IL18BP: variants seen among roughly 807,000 people sequenced by gnomAD.
IL18BP encodes interleukin 18 binding protein.
A neutral mutation model predicts 19.9 loss-of-function variants in IL18BP; 23 were observed. That is an observed-to-expected ratio of 1.15 (90% CI 0.83 to 1.64). The LOEUF is 1.64. Among genes scored for constraint, IL18BP ranks in the 40% most tolerant of loss-of-function variants. IL18BP has a pLI of 0.00. For synonymous variants in IL18BP, 107 were observed against 101.0 expected (o/e 1.06, Z -0.35); for missense variants, 239 against 240.7 (o/e 0.99, Z 0.05).
chr11:72,003,892 C>T, downstream of IL18BP: 2 of 1,613,658 alleles, frequency 1.2e-6, no homozygotes, highest in South Asian at 1.1e-5. Flanking sequence ...TCTACCTTGC[C>T]CTTGGCTCGA....
chr11:72,004,536 G>T, downstream of IL18BP: 1 of 1,307,556 alleles, frequency 7.6e-7, no homozygotes, highest in African/African-American at 1.5e-5. Context: ...GGGAAAGAGA[G>T]GGGGAAGTGA....
intron 1 of IL18BP, 112 bp downstream of exon 1, chr11:71,999,131 G>C (rs770468791): frequency 9.7e-6 from 5 of 517,164 alleles, no homozygotes; most frequent in African/African-American, 7.7e-5. Context: ...CGACCTTGGG[G>C]CTGGTGGCTG....
At chr11:72,006,478 T>C (rs918635150), downstream of IL18BP, among the ~76,000 whole-genome samples, 1 of 152,210 alleles carries the variant, frequency 6.6e-6, no homozygotes, top group African/African-American at 2.4e-5. Flanking sequence ...CTACGCATTT[T>C]TTTCATGGAG....
chr11:72,006,385 G>T (rs1019843200), downstream of IL18BP: 1 of 768,846 alleles, frequency 1.3e-6, no homozygotes, highest in Non-Finnish European at 2.1e-6. Context: ...GCTTTGCAAA[G>T]GTCCTTAAAG....
downstream of IL18BP, chr11:72,004,454 CCCCTTCCCAACTCTGGGCCAGATCCTT>C (rs1814498571): frequency 8.2e-7 from 1 of 1,221,638 alleles, no homozygotes. Context: ...GCAACCTGCT[CCCCTTCCCAACTCTGGGCCAGATCCTT>C]CCCTTCCCAA....
chr11:72,004,312 G>A (rs767168431), downstream of IL18BP: 2 of 1,613,286 alleles, frequency 1.2e-6, no homozygotes, highest in African/African-American at 1.3e-5. Context: ...GAGTCATGGG[G>A]CGTGGGAAAC....
Position 72,001,508 on chromosome 11 carries a change from C to T in IL18BP, c.463C>T (p.Pro155Ser). The T allele has an allele frequency of 6.2e-7, 1 of 1,613,948 alleles. No individual in the cohort carries two copies. The highest frequency in any genetic ancestry group is 8.5e-7 in the Non-Finnish European group (1 of 1,179,930). The change falls in exon 5 of 6, where the codon CCT becomes TCT. Residue 155 changes from proline to serine, a missense_variant. Coordinates refer to ENST00000393703, the MANE Select transcript of IL18BP (RefSeq NM_001039660.2). ...CAACTTCTCCTGTGTGCTCGTGGAC[C>T]CTGAACAGGTTGTCCAGCGTCACGT... ...STNFSCVLVD[P>S]EQVVQRHVVL...
rs1455810724 is a variant in IL18BP at position 72,002,051 on chromosome 11, T to G, written c.*190T>G. ...CCCACCTACCTAGAAAATCACAGCCTCCTTATAATGCCTCCTCCTCCTGCC... is the reference window on the plus strand; with the variant it reads ...CCCACCTACCTAGAAAATCACAGCCGCCTTATAATGCCTCCTCCTCCTGCC... On this transcript the variant is annotated 3_prime_UTR_variant, in exon 6 of 6. Transcript: ENST00000393703. 3.6e-5 allele frequency: 27 copies of G among 759,384 alleles called. No homozygotes were observed. The highest frequency in any genetic ancestry group is 5.6e-5 in the Non-Finnish European group (26 of 464,314). 47.0% of individuals were successfully genotyped at this position (759,384 alleles called of 1,614,324 possible).
rs1955197060 is a variant in IL18BP at position 72,001,090 on chromosome 11, C to G, written c.236-111C>G. ...CCTAGGTGGTGTGCAGAGCAGTTCT[C>G]TAGGTTCCAGATGCATGGGGACTGG... On this transcript the variant is annotated intron_variant, in intron 3 of 5. Coordinates refer to ENST00000393703, the MANE Select transcript of IL18BP (RefSeq NM_001039660.2). 8.8e-6 allele frequency: 12 copies of G among 1,357,796 alleles called. No homozygotes were observed. In the South Asian group the frequency reaches 1.5e-4, roughly 17 times the overall value. The allele number at this position is 1,357,796 out of a possible 1,614,324, so 84.1% of individuals were successfully genotyped here. A position where few individuals can be genotyped will look rare whatever the true frequency, so the allele number is the denominator to read the frequency against.
chr11:72,006,030 C>A (rs371152556), downstream of IL18BP: 44 of 1,607,352 alleles, frequency 2.7e-5, no homozygotes, highest in African/African-American at 4.8e-4. Context: ...CTGTAGTCCC[C>A]TCACCTGGAG....
chr11:72,003,388 G>A, downstream of IL18BP: 1 of 837,338 alleles, frequency 1.2e-6, no homozygotes, highest in Non-Finnish European at 2.0e-6. Context: ...CCAGGGTGCG[G>A]GCAGGCATCA....
At chr11:71,999,652 T>C in intron 1 of IL18BP, 2 of 326,754 alleles carry the variant, frequency 6.1e-6, no homozygotes, top group Non-Finnish European at 1.2e-5. Context: ...ACTGCCTCCC[T>C]GTGTGACTGG....
chr11:72,003,728 T>C, downstream of IL18BP: 1 of 988,444 alleles, frequency 1.0e-6, no homozygotes, highest in Non-Finnish European at 1.5e-6. Flanking sequence ...CCATCTGTCT[T>C]CTCTCCTTGG....
chr11:72,004,307 A>C (rs761333172), downstream of IL18BP: 2 of 1,613,110 alleles, frequency 1.2e-6, no homozygotes, highest in Non-Finnish European at 1.7e-6. Flanking sequence ...TCGGGGAGTC[A>C]TGGGGCGTGG....
At chr11:72,006,853 GCAA>G (rs530156150), downstream of IL18BP, among the ~76,000 whole-genome samples, 20 of 152,376 alleles carry the variant, frequency 1.3e-4, no homozygotes, top group South Asian at 3.5e-3. Context: ...CCACTGGGCA[GCAA>G]CAATGCCTCT....
chr11:72,000,154 T>TA, intron 2 of IL18BP, 142 bp downstream of exon 2: 5 of 965,298 alleles, frequency 5.2e-6, no homozygotes, highest in Non-Finnish European at 8.0e-6. Context: ...CCTGGGCAGA[T>TA]ATTGTAGCTC....
At chr11:72,004,133 A>C (rs546054346), downstream of IL18BP, 4 of 1,611,878 alleles carry the variant, frequency 2.5e-6, no homozygotes, top group Admixed American at 1.7e-5. Flanking sequence ...GGGAGACCCA[A>C]TGCTGCCTTC....
At chr11:72,004,402 G>A, downstream of IL18BP, 1 of 1,478,154 alleles carries the variant, frequency 6.8e-7, no homozygotes. Context: ...GAAGCCAGGT[G>A]TCTTGTCCTC....
At chr11:72,003,737 GGA>G (rs1955437122), downstream of IL18BP, 4 of 1,010,506 alleles carry the variant, frequency 4.0e-6, no homozygotes, top group Admixed American at 2.2e-5. Flanking sequence ...TTCTCTCCTT[GGA>G]GAGGAGCTAC....
Sources: allele counts gnomAD v4.1 joint callset (sites outside exome capture counted in the v4.1 genomes callset), GRCh38; gene constraint gnomAD v4.1.1; transcripts MANE v1.5; gene names NCBI Gene and HGNC (gene_info 2026-07-23, HGNC 2026-07-21).